TBCK: variants seen among roughly 807,000 people sequenced by gnomAD.
The protein encoded by TBCK is TBC domain-containing protein kinase-like protein.
In TBCK, 99 loss-of-function variants were observed where a neutral mutation model predicts 113.4. The observed-to-expected ratio is 0.87, with a 90% confidence interval of 0.74 to 1.03. The LOEUF (loss-of-function observed/expected upper bound fraction) is 1.03, where lower values mean the gene tolerates loss of function less well. Ranked by LOEUF, TBCK falls within the 50% of genes least tolerant of loss-of-function variation. The probability of loss-of-function intolerance (pLI) is 0.00; values close to 1 mark genes in which losing one functional copy is unlikely to be tolerated. For synonymous variants in TBCK, 369 were observed against 370.8 expected (o/e 1.00, Z 0.05); for missense variants, 1,045 against 1,061.3 (o/e 0.98, Z 0.21).
intron 25 of TBCK, among the ~76,000 whole-genome samples, chr4:106,089,021 G>C (rs946226682): frequency 2.1e-5 from 3 of 144,396 alleles, no homozygotes; most frequent in African/African-American, 8.0e-5. Context: ...AAACCTGCAT[G>C]TTCTGTACAT....
intron 22 of TBCK, among the ~76,000 whole-genome samples, chr4:106,180,692 T>C (rs934580181): frequency 3.3e-5 from 5 of 152,156 alleles, no homozygotes; most frequent in African/African-American, 1.2e-4. Flanking sequence ...TTCATCCATG[T>C]CCCTGCAAAG....
At chr4:106,166,630 C>G (rs1326886040) in intron 23 of TBCK, among the ~76,000 whole-genome samples, 1 of 151,470 alleles carries the variant, frequency 6.6e-6, no homozygotes, top group Non-Finnish European at 1.5e-5. Context: ...GGACAAAAAG[C>G]AAAAGAAAAT....
At chr4:106,133,779 T>C (rs754016320) in intron 23 of TBCK, among the ~76,000 whole-genome samples, 5 of 152,194 alleles carry the variant, frequency 3.3e-5, no homozygotes, top group African/African-American at 7.2e-5. Context: ...GGGAGGCCGA[T>C]GTGGGCCTTG....
chr4:106,198,183 C>A (rs562487349), intron 20 of TBCK, among the ~76,000 whole-genome samples: 1 of 152,096 alleles, frequency 6.6e-6, no homozygotes, highest in East Asian at 1.9e-4. Flanking sequence ...TACTGGATAG[C>A]GTGCCTTGGT....
At chr4:106,299,836 T>C (rs927366286) in intron 2 of TBCK, among the ~76,000 whole-genome samples, 1 of 152,206 alleles carries the variant, frequency 6.6e-6, no homozygotes, top group African/African-American at 2.4e-5. Flanking sequence ...AGATGAACTT[T>C]AAAGAGTAGA....
chr4:106,143,685 C>T (rs775705663), intron 23 of TBCK, among the ~76,000 whole-genome samples: 2 of 152,024 alleles, frequency 1.3e-5, no homozygotes, highest in South Asian at 2.1e-4. Flanking sequence ...GAGGCCAAGG[C>T]GGGCGGACCA....
intron 22 of TBCK, among the ~76,000 whole-genome samples, chr4:106,173,696 A>G (rs998072684): frequency 2.0e-5 from 3 of 152,112 alleles, no homozygotes; most frequent in African/African-American, 7.2e-5. Flanking sequence ...TCTAACAGAT[A>G]TCTCATTTTC....
rs776630884 is a variant in TBCK, at chr4:106,295,089, A to C, written c.266+5T>G. Reference sequence around the variant, plus strand: ...TCATTTAATTGTTCTGATACTATACAGTACCTCACAGGTTTCCTTTCTCGA... The same window carrying C: ...TCATTTAATTGTTCTGATACTATACCGTACCTCACAGGTTTCCTTTCTCGA... On this transcript the variant is annotated splice_donor_5th_base_variant and intron_variant, in intron 3 of 25. Transcript: ENST00000394708. 6.2e-7 allele frequency: 1 copy of C among 1,609,946 alleles called. No individual in the cohort carries two copies. The highest frequency in any genetic ancestry group is 1.3e-5 in the African/African-American group (1 of 74,840).
intron 19 of TBCK, among the ~76,000 whole-genome samples, chr4:106,215,241 G>A (rs1756729930): frequency 6.6e-6 from 1 of 151,980 alleles, no homozygotes; most frequent in African/African-American, 2.4e-5. Flanking sequence ...GGAACAACCG[G>A]TACCAGCCGC....
At chr4:106,111,763 A>C (rs985940460) in intron 24 of TBCK, among the ~76,000 whole-genome samples, 2 of 152,240 alleles carry the variant, frequency 1.3e-5, no homozygotes, top group African/African-American at 4.8e-5. Flanking sequence ...TCTTGGGTAC[A>C]TACTAATTTC....
At chr4:106,075,757 AAGAT>A (rs1304916666) in intron 25 of TBCK, among the ~76,000 whole-genome samples, 1 of 152,228 alleles carries the variant, frequency 6.6e-6, no homozygotes, top group African/African-American at 2.4e-5. Flanking sequence ...CAATCTTAAA[AAGAT>A]AATTATACAA....
chr4:106,149,069 GCTTCCAA>G (rs1372565691), intron 23 of TBCK, among the ~76,000 whole-genome samples: 1 of 152,150 alleles, frequency 6.6e-6, no homozygotes, highest in Non-Finnish European at 1.5e-5. Context: ...ACCTCTGCTA[GCTTCCAA>G]CTTTTCTTCT....
intron 25 of TBCK, among the ~76,000 whole-genome samples, chr4:106,049,963 T>G (rs2149443776): frequency 1.3e-5 from 2 of 152,188 alleles, no homozygotes; most frequent in Middle Eastern, 6.8e-3. Flanking sequence ...GGGATTCATT[T>G]GCAGGTCAGG....
intron 23 of TBCK, among the ~76,000 whole-genome samples, chr4:106,125,844 A>C (rs1476839799): frequency 6.6e-6 from 1 of 152,240 alleles, no homozygotes; most frequent in Non-Finnish European, 1.5e-5. Flanking sequence ...TCAATAGCAC[A>C]GAAGAGTGAC....
intron 3 of TBCK, among the ~76,000 whole-genome samples, chr4:106,267,736 T>C (rs1007622457): frequency 6.6e-6 from 1 of 152,058 alleles, no homozygotes; most frequent in Non-Finnish European, 1.5e-5. Context: ...CATGGCTCAA[T>C]AAATTTTCAA....
At chr4:106,212,936 T>C in intron 19 of TBCK, 101 bp from the exon 20 acceptor site, 1 of 749,396 alleles carries the variant, frequency 1.3e-6, no homozygotes, top group East Asian at 2.7e-5. Context: ...AGATTTAATT[T>C]CTCCATGAGA....
At chr4:106,255,830 C>T (rs889784016) in intron 5 of TBCK, among the ~76,000 whole-genome samples, 1 of 152,126 alleles carries the variant, frequency 6.6e-6, no homozygotes, top group Non-Finnish European at 1.5e-5. Context: ...GAAGGGTGAG[C>T]AAGGTGAAGA....
intron 25 of TBCK, among the ~76,000 whole-genome samples, chr4:106,055,304 G>GA (rs1034938945): frequency 7.4e-5 from 11 of 148,866 alleles, no homozygotes; most frequent in Admixed American, 1.3e-4. Context: ...ATAGAAGTGT[G>GA]AAAAAAAAAG....
chr4:106,316,355 A>C (rs557544879), upstream of TBCK: 4 of 580,568 alleles, frequency 6.9e-6, no homozygotes, highest in East Asian at 3.0e-5. Flanking sequence ...GTGCGGGGGG[A>C]CGGGGGGGGT....
Sources: allele counts gnomAD v4.1 joint callset (sites outside exome capture counted in the v4.1 genomes callset), GRCh38; gene constraint gnomAD v4.1.1; transcripts MANE v1.5; gene names NCBI Gene and HGNC (gene_info 2026-07-23, HGNC 2026-07-21).